Variants in CFHR3 observed in about 807,000 individuals in gnomAD.
CFHR3 encodes the protein complement factor H related 3, also known as complement factor H-related protein 3.
CFHR3 carries 22 observed loss-of-function variants against 36.0 expected under a neutral mutation model. The observed-to-expected ratio is 0.61, with a 90% CI of 0.44 to 0.87. The LOEUF (loss-of-function observed/expected upper bound fraction) is 0.87. CFHR3 is among the 40% of genes least tolerant of loss of function. CFHR3 has a pLI of 0.00. For missense variants in CFHR3, 276 were observed against 401.3 expected (o/e 0.69, Z 2.67); for synonymous variants, 97 against 137.4 (o/e 0.71, Z 2.06).
At chr1:196,778,437 TG>T (rs1323491662) in intron 1 of CFHR3, among the ~76,000 whole-genome samples, 1 of 137,140 alleles carries the variant, frequency 7.3e-6, no homozygotes, top group East Asian at 2.0e-4. Context: ...TTCTATCACT[TG>T]TTCCAGAATT....
Position 196,777,709 on chromosome 1 carries a change from C to G in CFHR3, c.59-1453C>G, listed in dbSNP as rs531649258. Among the ~76,000 whole-genome samples the G allele has an allele frequency of 9.6e-4, 130 of 135,716 alleles. 35 individuals are homozygous for G. Among genetic ancestry groups the G allele is most frequent in the African/African-American group, 3.8e-3 (123 of 32,174 alleles). 89.0% of individuals were successfully genotyped at this position (135,716 alleles called of 152,430 possible). ...CTGACTAAGAAAAGTAATTTTTGGT[C>G]GAGCCGGGGGGCTCCTGCCTTAATC... is the stretch of plus-strand genomic sequence containing the variant. On this transcript the variant is annotated intron_variant, in intron 1 of 5. Coordinates refer to ENST00000367425, the MANE Select transcript of CFHR3 (RefSeq NM_021023.6).
chr1:196,794,076 AAAAAG>A lies in CFHR3; in HGVS notation c.*570_*574del, dbSNP rs1654514391. 7.1e-6 allele frequency: 1 copy of A among 141,540 alleles called. No individual in the cohort carries two copies. Among genetic ancestry groups the A allele is most frequent in the Non-Finnish European group, 1.5e-5 (1 of 67,640 alleles). The allele number at this position is 141,540 out of a possible 1,614,324, so 8.8% of individuals were successfully genotyped here. On this transcript the variant is annotated 3_prime_UTR_variant, in exon 6 of 6. Coordinates refer to ENST00000367425, the MANE Select transcript of CFHR3 (RefSeq NM_021023.6). ...GTGAATTATTATCATTTTCCTGTGA[AAAAAG>A]AAAAGAGGTTTTGCTAACCCTTTCA...
rs1183482125 is a variant in CFHR3 at position 196,781,486 on chromosome 1, T to C, written c.430+1513T>C. On this transcript the variant is annotated intron_variant, in intron 3 of 5. Coordinates refer to ENST00000367425, the MANE Select transcript of CFHR3 (RefSeq NM_021023.6). ...CTGTTGTTTCCTGACTTTTTAATGA[T>C]TGCCATTCTAACTGGTGTGAGATGG... is the stretch of plus-strand genomic sequence containing the variant. Among the ~76,000 whole-genome samples, 3 of 134,464 alleles carry C rather than the reference T, an allele frequency of 2.2e-5. 1 individual carries two copies. The highest frequency in any genetic ancestry group is 4.7e-5 in the Non-Finnish European group (3 of 63,844). The allele number at this position is 134,464 out of a possible 152,430, so 88.2% of individuals were successfully genotyped here.
intron 1 of CFHR3, 73 bp from the exon 2 acceptor site, chr1:196,779,089 T>A: frequency 3.4e-6 from 4 of 1,183,030 alleles, no homozygotes; most frequent in African/African-American, 1.9e-5. Context: ...GAAGGTGATA[T>A]CAAAATTTAT....
rs1218311954 is a variant in CFHR3 at position 196,774,850 on chromosome 1, A to C, written c.-37A>C. ...TTTCAAACCCCAAACAGTGCAACTG[A>C]AACTTTTGTATTAGCATACTACTGA... On this transcript the variant is annotated 5_prime_UTR_variant, in exon 1 of 6. Transcript: ENST00000367425. 4.1e-6 allele frequency: 6 copies of C among 1,470,330 alleles called. 1 individual carries two copies. The highest frequency in any genetic ancestry group is 1.7e-5 in the Admixed American group (1 of 57,560). 91.1% of individuals were successfully genotyped at this position (1,470,330 alleles called of 1,614,324 possible).
At chr1:196,777,998 A>AG (rs1214669599) in intron 1 of CFHR3, among the ~76,000 whole-genome samples, 6 of 132,572 alleles carry the variant, frequency 4.5e-5, no homozygotes, top group South Asian at 2.6e-4. Flanking sequence ...AAAAAAAAAA[A>AG]AAAAGAAAAG....
At position 196,788,581 on chromosome 1, in the gene CFHR3, G is replaced by A. The variant is rs562605812; in HGVS notation, c.613+183G>A. Among the ~76,000 whole-genome samples, 227 of 137,058 alleles carry A rather than the reference G, an allele frequency of 1.7e-3. 29 individuals are homozygous for A. The highest frequency in any genetic ancestry group is 3.8e-3 in the South Asian group (15 of 3,962). The allele number at this position is 137,058 out of a possible 152,430, so 89.9% of individuals were successfully genotyped here. On this transcript the variant is annotated intron_variant, in intron 4 of 5. Transcript: ENST00000367425. ...GCATGTTTAGAGTAATGGCTACTTG[G>A]GAAGATGATCATTTCATCTCTTACA... is the stretch of plus-strand genomic sequence containing the variant.
intron 3 of CFHR3, among the ~76,000 whole-genome samples, chr1:196,786,283 C>T (rs1470660524): frequency 1.5e-5 from 2 of 135,442 alleles, no homozygotes; most frequent in Non-Finnish European, 3.1e-5. Flanking sequence ...GCAGTCTGCC[C>T]GTTCTCAGAT....
chr1:196,788,547 A>C, intron 4 of CFHR3, 149 bp downstream of exon 4: 1 of 1,241,704 alleles, frequency 8.1e-7, no homozygotes, highest in Admixed American at 2.4e-5. Context: ...GTGCCAAATT[A>C]AGTCTTTTGC....
chr1:196,791,656 T>C (rs1201201023), intron 5 of CFHR3, among the ~76,000 whole-genome samples: 1 of 132,440 alleles, frequency 7.6e-6, no homozygotes, highest in Non-Finnish European at 1.6e-5. Context: ...TACTTAAGTA[T>C]CCACTTCTGT....
In CFHR3 at chr1:196,776,920, G is replaced by A. The variant is rs1338838679; in HGVS notation, c.58+1976G>A. 1.5e-5 allele frequency among the ~76,000 whole-genome samples: 2 copies of A among 135,464 alleles called. 1 individual carries two copies. Among genetic ancestry groups the A allele is most frequent in the African/African-American group, 6.2e-5 (2 of 32,158 alleles). 88.9% of individuals were successfully genotyped at this position (135,464 alleles called of 152,430 possible). ...ATTATATCTTGGGTGTATTGTCCTTGCTGATTTTTGTCTTGTTGAATACTT... is the reference window on the plus strand; with the variant it reads ...ATTATATCTTGGGTGTATTGTCCTTACTGATTTTTGTCTTGTTGAATACTT... On this transcript the variant is annotated intron_variant, in intron 1 of 5. Transcript: ENST00000367425.
chr1:196,775,071 A>G, intron 1 of CFHR3, 127 bp downstream of exon 1: 2 of 828,400 alleles, frequency 2.4e-6, no homozygotes, highest in South Asian at 3.8e-5. Context: ...AGTAGAAGTG[A>G]CATATTTTGT....
In CFHR3 at chr1:196,776,013, G is replaced by GA. The variant is rs577858766; in HGVS notation, c.58+1078dup. ...ATCAAACTTGATCTGTGCCAAAATG[G>GA]AAAAAAAAAGGAATTTCACCAGTTA... On this transcript the variant is annotated intron_variant, in intron 1 of 5. Transcript: ENST00000367425. 1.1e-4 allele frequency among the ~76,000 whole-genome samples: 13 copies of GA among 113,952 alleles called. 1 individual carries two copies. The highest frequency in any genetic ancestry group is 6.3e-4 in the East Asian group (2 of 3,182). The allele number at this position is 113,952 out of a possible 152,430, so 74.8% of individuals were successfully genotyped here.
Position 196,787,689 on chromosome 1 carries a change from A to C in CFHR3, c.431-527A>C, listed in dbSNP as rs560640995. Among the ~76,000 whole-genome samples, 2 of 136,760 alleles carry C rather than the reference A, an allele frequency of 1.5e-5. 1 individual carries two copies. The highest frequency in any genetic ancestry group is 6.1e-5 in the African/African-American group (2 of 32,698). The allele number at this position is 136,760 out of a possible 152,430, so 89.7% of individuals were successfully genotyped here. ...CTTTCTTTTTTCTGCTTACATTTCC[A>C]CATGCCTCTCAAACACCACGTCTAT... is the stretch of plus-strand genomic sequence containing the variant. On this transcript the variant is annotated intron_variant, in intron 3 of 5. Coordinates refer to ENST00000367425, the MANE Select transcript of CFHR3 (RefSeq NM_021023.6).
At chr1:196,777,982 T>TAAAAAAAAAAAAAAAAAAAAAAA (rs202127437) in intron 1 of CFHR3, among the ~76,000 whole-genome samples, 2 of 89,882 alleles carry the variant, frequency 2.2e-5, no homozygotes, top group Non-Finnish European at 4.3e-5. Context: ...ACAAGACTGT[T>TAAAAAAAAAAAAAAAAAAAAAAA]AAAAAAAAAA....
intron 1 of CFHR3, among the ~76,000 whole-genome samples, 163 bp downstream of exon 1, chr1:196,775,107 T>TA (rs1307068299): frequency 7.3e-6 from 1 of 137,512 alleles, no homozygotes; most frequent in Non-Finnish European, 1.6e-5. Flanking sequence ...ATTAATTTTA[T>TA]AAAAAATTAT....
In CFHR3 at chr1:196,793,457, C is replaced by G; in HGVS notation, c.937C>G (p.Leu313Val). ...KLGYNANTSILSFQAVCREGI... is the reference protein window; with the variant it reads ...KLGYNANTSIVSFQAVCREGI... Reference sequence around the variant, plus strand: ...GGGATATAATGCAAATACATCAATTCTATCATTTCAAGCAGTGTGTCGGGA... The same window carrying G: ...GGGATATAATGCAAATACATCAATTGTATCATTTCAAGCAGTGTGTCGGGA... Residue 313 changes from leucine (L) to valine (V), a missense_variant, in exon 6 of 6, where the codon CTA becomes GTA. By Grantham distance (32) the Leu-to-Val change is conservative. This residue lies in a region of CFHR3 where 76 missense variants were observed against 79.8 expected (regional missense o/e 0.95). Transcript: ENST00000367425. 1 of 1,526,810 alleles carries G rather than the reference C, an allele frequency of 6.5e-7. No homozygotes were observed. The highest frequency in any genetic ancestry group is 2.2e-5 in the East Asian group (1 of 44,532). 94.6% of individuals were successfully genotyped at this position (1,526,810 alleles called of 1,614,324 possible).
In CFHR3 at chr1:196,790,560, CA is replaced by C. The variant is rs1259556622; in HGVS notation, c.796+339del. Among the ~76,000 whole-genome samples the C allele has an allele frequency of 3.0e-4, 40 of 134,328 alleles. 1 individual carries two copies. In the East Asian group the frequency reaches 7.7e-3, roughly 26 times the overall value. The allele number at this position is 134,328 out of a possible 152,430, so 88.1% of individuals were successfully genotyped here. A position where few individuals can be genotyped will look rare whatever the true frequency, so the allele number is the denominator to read the frequency against. ...ACCAACATGGTGAACCCCGTATCTA[CA>C]AAAAATACAAAAATTAGCCAGGCAT... On this transcript the variant is annotated intron_variant, in intron 5 of 5. Coordinates refer to ENST00000367425, the MANE Select transcript of CFHR3 (RefSeq NM_021023.6).
rs533094392 is a variant in CFHR3, at chr1:196,793,190, G to A, written c.797-127G>A. 4.3e-4 allele frequency: 404 copies of A among 943,666 alleles called. 91 individuals carry two copies. The South Asian group carries it at 7.5e-3, about 17-fold the overall frequency. 58.5% of individuals were successfully genotyped at this position (943,666 alleles called of 1,614,324 possible). On this transcript the variant is annotated intron_variant, in intron 5 of 5. Coordinates refer to ENST00000367425, the MANE Select transcript of CFHR3 (RefSeq NM_021023.6). ...ATGCTAACGTCAGTATGTAGCACAA[G>A]TTAATAACTATTAACTATTTGGATT... is the stretch of plus-strand genomic sequence containing the variant.
Sources: gnomAD v4.1 joint callset for allele counts (sites outside exome capture counted in the v4.1 genomes callset) on GRCh38, gnomAD v4.1.1 for gene constraint, gnomAD v4.1.1 regional missense constraint, MANE v1.5 for transcripts, NCBI Gene and HGNC (gene_info 2026-07-23, HGNC 2026-07-21) for gene names.